The following MGMT variants were observed in gnomAD, a reference collection of about 807,000 sequenced individuals.
The protein encoded by MGMT is O-6-methylguanine-DNA methyltransferase, also known as methylated-DNA--protein-cysteine methyltransferase.
MGMT carries 14 observed loss-of-function variants against 15.9 expected under a neutral mutation model. The ratio of observed to expected loss-of-function variants is 0.88; its 90% CI spans 0.58 to 1.37. The LOEUF is 1.37. Ranked by LOEUF, MGMT falls within the 40% of genes most tolerant of loss-of-function variation. The pLI is 0.00. For synonymous variants in MGMT, 130 were observed against 118.2 expected, an observed-to-expected ratio of 1.10 and a Z score of -0.65; for missense variants, 282 against 268.1, an observed-to-expected ratio of 1.05 and a Z score of -0.36.
At chr10:129,713,622 GAC>G (rs1848258379) in intron 3 of MGMT, among the ~76,000 whole-genome samples, 1 of 152,168 alleles carries the variant, frequency 6.6e-6, no homozygotes, top group African/African-American at 2.4e-5. Context: ...TCAGAAACTT[GAC>G]ACAAAGAGAA....
chr10:129,600,782 T>C (rs1035792726), intron 2 of MGMT, among the ~76,000 whole-genome samples: 1 of 152,206 alleles, frequency 6.6e-6, no homozygotes, highest in Non-Finnish European at 1.5e-5. Flanking sequence ...CAGTTTTCCA[T>C]ACAAGTATGA....
At chr10:129,655,821 A>T (rs994609049) in intron 2 of MGMT, among the ~76,000 whole-genome samples, 3 of 152,218 alleles carry the variant, frequency 2.0e-5, no homozygotes, top group African/African-American at 7.2e-5. Context: ...GCAAAAGCAC[A>T]TGGTAAACAC....
chr10:129,478,233 A>ATT (rs11331521), intron 1 of MGMT, among the ~76,000 whole-genome samples: 3 of 151,994 alleles, frequency 2.0e-5, no homozygotes, highest in South Asian at 2.1e-4. Flanking sequence ...TGGTTGGTTG[A>ATT]TTTTTTCCCC....
At chr10:129,690,321 A>G (rs1402661225) in intron 2 of MGMT, among the ~76,000 whole-genome samples, 3 of 152,236 alleles carry the variant, frequency 2.0e-5, no homozygotes, top group Admixed American at 6.5e-5. Flanking sequence ...ATTCTGAATC[A>G]TTTTAAGTAT....
chr10:129,719,770 G>A (rs1848347808), intron 3 of MGMT, among the ~76,000 whole-genome samples: 1 of 152,244 alleles, frequency 6.6e-6, no homozygotes, highest in South Asian at 2.1e-4. Context: ...ACGAATTTTG[G>A]CAGAACATAG....
At chr10:129,638,433 AAAAAAAAAAAAAG>A (rs1374961815) in intron 2 of MGMT, among the ~76,000 whole-genome samples, 87 of 129,644 alleles carry the variant, frequency 6.7e-4, no homozygotes, top group Non-Finnish European at 9.1e-4. Context: ...AAGAGGCAAA[AAAAAAAAAAAAAG>A]AAAAAAAAAA....
At chr10:129,493,047 C>T (rs1845485382) in intron 1 of MGMT, among the ~76,000 whole-genome samples, 1 of 152,122 alleles carries the variant, frequency 6.6e-6, no homozygotes, top group African/African-American at 2.4e-5. Flanking sequence ...TTGTGGTTTT[C>T]ATCTTTCTGT....
intron 1 of MGMT, among the ~76,000 whole-genome samples, chr10:129,496,964 G>A (rs968565479): frequency 5.3e-5 from 8 of 151,978 alleles, no homozygotes; most frequent in Admixed American, 2.0e-4. Context: ...AAGTGCTGGG[G>A]TTACAGGCAT....
chr10:129,751,767 A>G (rs1848752867), intron 3 of MGMT, among the ~76,000 whole-genome samples: 3 of 151,976 alleles, frequency 2.0e-5, no homozygotes, highest in South Asian at 2.1e-4. Flanking sequence ...TCTTTGACCT[A>G]TTGATTATTT....
chr10:129,761,826 T>C (rs1045202380), intron 4 of MGMT, among the ~76,000 whole-genome samples: 1 of 152,198 alleles, frequency 6.6e-6, no homozygotes, highest in African/African-American at 2.4e-5. Context: ...GGCCTTTCTG[T>C]GGGCTCCACC....
At chr10:129,723,179 A>G (rs958303228) in intron 3 of MGMT, among the ~76,000 whole-genome samples, 3 of 152,046 alleles carry the variant, frequency 2.0e-5, no homozygotes, top group Non-Finnish European at 2.9e-5. Context: ...TTACATGAGT[A>G]AGTTCTTTAG....
chr10:129,678,988 G>T lies in MGMT; in HGVS notation c.126-28907G>T, dbSNP rs550472935. On this transcript the variant is annotated intron_variant, in intron 2 of 4. Transcript: ENST00000651593. The stretch of plus-strand genomic sequence containing the variant: ...CTCGGGAGGCTGAGGTGGGAGGATC[G>T]CTTGAACCCAGGAGGCAGAGGTTGC... 2.6e-5 allele frequency among the ~76,000 whole-genome samples: 4 copies of T among 151,548 alleles called. No individual in the cohort carries two copies. The South Asian group carries it at 8.3e-4, about 32-fold the overall frequency.
In MGMT at chr10:129,629,962, G is replaced by A. The variant is rs1028365734; in HGVS notation, c.126-77933G>A. On this transcript the variant is annotated intron_variant, in intron 2 of 4. Transcript: ENST00000651593. ...GTTCTTTTCACAGAGAAGGTAAATA[G>A]CATGTCAGCCGCCAAGGCCCTCACA... 3.3e-5 allele frequency among the ~76,000 whole-genome samples: 5 copies of A among 152,350 alleles called. No individual in the cohort carries two copies. In the East Asian group the frequency reaches 9.6e-4, roughly 29 times the overall value.
intron 1 of MGMT, among the ~76,000 whole-genome samples, chr10:129,517,734 G>A (rs1358349548): frequency 6.6e-6 from 1 of 152,164 alleles, no homozygotes; most frequent in Non-Finnish European, 1.5e-5. Context: ...CTCAGGGTGG[G>A]CTGAGGCCCA....
In MGMT at chr10:129,566,032, C is replaced by A. The variant is rs1846350740; in HGVS notation, c.125+29655C>A. ...GTTCTGTCCAGTTCAGGTTCGTAGG[C>A]CACTCTTGCAGCTCTGTTCCTTCTT... is the stretch of plus-strand genomic sequence containing the variant. On this transcript the variant is annotated intron_variant, in intron 2 of 4. Coordinates refer to ENST00000651593, the MANE Select transcript of MGMT (RefSeq NM_002412.5). This position sits in a 1 kb window ranked among gnomAD's most constrained non-coding sequence, Gnocchi z 4.1. Among the ~76,000 whole-genome samples, 1 of 152,186 alleles carries A rather than the reference C, an allele frequency of 6.6e-6. No individual in the cohort carries two copies. The highest frequency in any genetic ancestry group is 1.5e-5 in the Non-Finnish European group (1 of 68,032).
chr10:129,541,097 G>T (rs1037973681), intron 2 of MGMT, among the ~76,000 whole-genome samples: 2 of 152,236 alleles, frequency 1.3e-5, no homozygotes, highest in Non-Finnish European at 2.9e-5. Flanking sequence ...CTTCTTCAGT[G>T]ACATTGCATC....
intron 3 of MGMT, 24 bp from the exon 4 acceptor site, chr10:129,759,178 A>G: frequency 1.9e-6 from 3 of 1,614,020 alleles, no homozygotes; most frequent in Non-Finnish European, 2.5e-6. Flanking sequence ...TCCAAATAAC[A>G]TTATCCTGCA....
At chr10:129,609,766 C>T (rs1300037722) in intron 2 of MGMT, among the ~76,000 whole-genome samples, 1 of 151,982 alleles carries the variant, frequency 6.6e-6, no homozygotes, top group South Asian at 2.1e-4. Context: ...TGCAGGAGAG[C>T]GGAAGAGCAG....
intron 2 of MGMT, among the ~76,000 whole-genome samples, chr10:129,628,353 A>G (rs1847173448): frequency 6.6e-6 from 1 of 152,194 alleles, no homozygotes; most frequent in South Asian, 2.1e-4. Flanking sequence ...CAGTGAGCAA[A>G]TGTTTCCCGA....
Sources: gnomAD v4.1 joint callset for allele counts (sites outside exome capture counted in the v4.1 genomes callset) on GRCh38, gnomAD v4.1.1 for gene constraint, Gnocchi (gnomAD v3.1) non-coding constraint, MANE v1.5 for transcripts, NCBI Gene and HGNC (gene_info 2026-07-23, HGNC 2026-07-21) for gene names.